The following IGHMBP2 variants were observed in gnomAD, a reference collection of about 807,000 sequenced individuals.
IGHMBP2 encodes the protein DNA-binding protein SMUBP-2.
Under a neutral mutation model 96.0 loss-of-function variants are expected in IGHMBP2, and 81 were observed. That is an observed-to-expected ratio of 0.84 (90% CI 0.71 to 1.01). The LOEUF (loss-of-function observed/expected upper bound fraction) is 1.01, where lower values mean the gene tolerates loss of function less well. Among genes scored for constraint, IGHMBP2 ranks in the 50% least tolerant of loss-of-function variants. IGHMBP2 has a pLI of 0.00. For synonymous variants in IGHMBP2, 557 were observed against 548.9 expected (o/e 1.01, Z -0.21); for missense variants, 1,227 against 1,306.3 (o/e 0.94, Z 0.94).
At position 68,908,631 on chromosome 11, in the gene IGHMBP2, C is replaced by T. The variant is rs548256623; in HGVS notation, c.547C>T (p.His183Tyr). 2.2e-5 allele frequency: 36 copies of T among 1,603,212 alleles called. No individual in the cohort carries two copies. The highest frequency in any genetic ancestry group is 6.7e-5 in the African/African-American group (5 of 74,816). Residue 183 changes from histidine to tyrosine, a missense_variant and splice_region_variant, in exon 4 of 15, where the codon CAC (histidine) becomes TAC (tyrosine). Around this residue, in one of 3 missense-constraint regions of IGHMBP2, gnomAD observed 507 missense variants for 496.9 expected, o/e 1.02. Coordinates refer to ENST00000255078, the MANE Select transcript of IGHMBP2 (RefSeq NM_002180.3). ...RSAPSPASEIHPLTFFNTCLD... is the reference protein window; with the variant it reads ...RSAPSPASEIYPLTFFNTCLD... Reference sequence around the variant, plus strand: ...TGCTCCCAGTCCTGCCAGTGAAATACGTAAGAACTTCTGAGTTTTCTTTTT... The same window carrying T: ...TGCTCCCAGTCCTGCCAGTGAAATATGTAAGAACTTCTGAGTTTTCTTTTT...
In IGHMBP2 at chr11:68,937,018, G is replaced by A. The variant is rs1859570478; in HGVS notation, c.2538G>A (p.Gly846=). The part of the protein sequence containing the change: ...ERLQRVRSAQ[G]QPASKEQQAS... ...TGCAGAGGGTCAGGAGCGCGCAGGG[G>A]CAGCCCGCCAGCAAGGAGCAGCAGG... Residue 846 remains glycine (G), a synonymous_variant, in exon 13 of 15, where the codon GGG becomes GGA. Transcript: ENST00000255078. 1 of 1,608,240 alleles carries A rather than the reference G, an allele frequency of 6.2e-7. No homozygotes were observed. The highest frequency in any genetic ancestry group is 8.5e-7 in the Non-Finnish European group (1 of 1,179,812).
chr11:68,910,781 G>A (rs1858396909), intron 4 of IGHMBP2, among the ~76,000 whole-genome samples: 1 of 151,892 alleles, frequency 6.6e-6, no homozygotes, highest in African/African-American at 2.4e-5. Context: ...TACTCTGGAG[G>A]CTGAGGCAGG....
rs576700969 is a variant in IGHMBP2, at chr11:68,906,373, C to T, written c.256+135C>T. On this transcript the variant is annotated intron_variant, in intron 2 of 14. Transcript: ENST00000255078. ...CAATGAAGAACTCTTAATCAGAAGTCCAACAATTGATGTGGGTTTTAGTTG... is the reference window on the plus strand; with the variant it reads ...CAATGAAGAACTCTTAATCAGAAGTTCAACAATTGATGTGGGTTTTAGTTG... The T allele has an allele frequency of 1.2e-4, 121 of 976,846 alleles. No individual in the cohort carries two copies. In the South Asian group the frequency reaches 1.6e-3, roughly 13 times the overall value. The allele number at this position is 976,846 out of a possible 1,614,324, so 60.5% of individuals were successfully genotyped here. A position where few individuals can be genotyped will look rare whatever the true frequency, so the allele number is the denominator to read the frequency against.
chr11:68,906,646 T>TC (rs200141955), intron 2 of IGHMBP2, among the ~76,000 whole-genome samples: 8,833 of 147,872 alleles, frequency 0.06, 331 homozygotes, highest in South Asian at 0.08. Flanking sequence ...TTTTCTTTTT[T>TC]TTTTTTTTTT....
At chr11:68,911,939 G>A (rs551563928) in intron 5 of IGHMBP2, among the ~76,000 whole-genome samples, 100 of 152,370 alleles carry the variant, frequency 6.6e-4, no homozygotes, top group Middle Eastern at 3.4e-3. Context: ...CGCCCGTGCA[G>A]GGGCCTGGAG....
At chr11:68,915,991 T>C (rs896850121) in intron 6 of IGHMBP2, among the ~76,000 whole-genome samples, 2 of 151,644 alleles carry the variant, frequency 1.3e-5, no homozygotes, top group African/African-American at 2.4e-5. Flanking sequence ...CTGGCCCACA[T>C]GGTGAAACCC....
At chr11:68,908,960 C>T (rs1397052772) in intron 4 of IGHMBP2, among the ~76,000 whole-genome samples, 1 of 150,872 alleles carries the variant, frequency 6.6e-6, no homozygotes, top group Admixed American at 6.6e-5. Flanking sequence ...TTTGCCTCAA[C>T]CTCCCAAGTA....
At chr11:68,930,961 C>T (rs1226772584) in intron 8 of IGHMBP2, among the ~76,000 whole-genome samples, 1 of 152,144 alleles carries the variant, frequency 6.6e-6, no homozygotes, top group Non-Finnish European at 1.5e-5. Flanking sequence ...TTATGGACCT[C>T]AAGAGGGAAG....
Position 68,924,123 on chromosome 11 carries a change from TA to T in IGHMBP2, c.1061-5053del, listed in dbSNP as rs1192832222. On this transcript the variant is annotated intron_variant, in intron 7 of 14. Transcript: ENST00000255078. ...CTGAAGAGTGTGGTTTCAGTTATTT[TA>T]AAAAAATTTTAAATAACTGGCTGGG... Among the ~76,000 whole-genome samples the T allele has an allele frequency of 1.1e-4, 17 of 152,300 alleles. No individual in the cohort carries two copies. In the East Asian group the frequency reaches 2.3e-3, roughly 21 times the overall value.
chr11:68,931,795 TC>T (rs1175263461), intron 8 of IGHMBP2, among the ~76,000 whole-genome samples: 1 of 152,208 alleles, frequency 6.6e-6, no homozygotes, highest in African/African-American at 2.4e-5. Flanking sequence ...GAGGTCTTCA[TC>T]CTCTGGAAAG....
chr11:68,919,126 G>C (rs1007084619), intron 7 of IGHMBP2, among the ~76,000 whole-genome samples: 5 of 152,028 alleles, frequency 3.3e-5, no homozygotes, highest in Admixed American at 1.3e-4. Flanking sequence ...ATAGTTTCTA[G>C]ATAGTTGGGA....
intron 5 of IGHMBP2, 21 bp from the exon 6 acceptor site, chr11:68,914,802 A>G (rs752013180): frequency 1.2e-6 from 2 of 1,613,828 alleles, no homozygotes; most frequent in East Asian, 2.2e-5. Context: ...AAATGACCAG[A>G]TCCTAACTTG....
chr11:68,923,430 T>G (rs1419439082), intron 7 of IGHMBP2, among the ~76,000 whole-genome samples: 1 of 152,184 alleles, frequency 6.6e-6, no homozygotes, highest in Non-Finnish European at 1.5e-5. Context: ...CTCAAACTCC[T>G]GACCTCAAGT....
intron 2 of IGHMBP2, 66 bp downstream of exon 2, chr11:68,906,304 C>A: frequency 6.6e-7 from 1 of 1,517,194 alleles, no homozygotes; most frequent in South Asian, 1.1e-5. Context: ...CTTGTACCCT[C>A]GTAAAGACTG....
intron 13 of IGHMBP2, 24 bp from the exon 14 acceptor site, chr11:68,938,158 C>T: frequency 6.2e-7 from 1 of 1,613,740 alleles, no homozygotes; most frequent in South Asian, 1.1e-5. Context: ...TTCCGTTTGC[C>T]TGAGTGACGC....
chr11:68,906,508 G>A, intron 2 of IGHMBP2: 1 of 441,638 alleles, frequency 2.3e-6, no homozygotes, highest in African/African-American at 2.0e-5. Flanking sequence ...AAATTTGGAA[G>A]ATTATGTTAA....
intron 13 of IGHMBP2, among the ~76,000 whole-genome samples, chr11:68,937,441 G>A (rs1859595384): frequency 6.6e-6 from 1 of 152,260 alleles, no homozygotes; most frequent in Non-Finnish European, 1.5e-5. Flanking sequence ...GCAACATGTG[G>A]CCCTGGAGGG....
intron 8 of IGHMBP2, 160 bp from the exon 9 acceptor site, chr11:68,933,139 G>T: frequency 1.4e-6 from 1 of 696,000 alleles, no homozygotes; most frequent in Non-Finnish European, 2.5e-6. Flanking sequence ...TGCCTTTGGG[G>T]CTGTGATTCA....
chr11:68,911,376 TGAGGAGGAACACCCACA>T, intron 4 of IGHMBP2, 47 bp from the exon 5 acceptor site: 1 of 1,563,520 alleles, frequency 6.4e-7, no homozygotes, highest in Non-Finnish European at 8.8e-7. Context: ...ACACACTCTC[TGAGGAGGAACACCCACA>T]GAGCTCCCCA....
Sources: allele counts gnomAD v4.1 joint callset (sites outside exome capture counted in the v4.1 genomes callset), GRCh38; gene constraint gnomAD v4.1.1; regional missense constraint gnomAD v4.1.1; transcripts MANE v1.5; gene names NCBI Gene and HGNC (gene_info 2026-07-23, HGNC 2026-07-21).